ZNF385D: variants seen among roughly 807,000 people sequenced by gnomAD.
The protein encoded by ZNF385D is zinc finger protein 385D.
In ZNF385D, 15 loss-of-function variants were observed where a neutral mutation model predicts 35.8. The ratio of observed to expected loss-of-function variants is 0.42; its 90% CI spans 0.28 to 0.64. ZNF385D has a LOEUF of 0.64. Among genes scored for constraint, ZNF385D ranks in the 30% least tolerant of loss-of-function variants. ZNF385D has a pLI of 0.23. For synonymous variants in ZNF385D, 212 were observed against 186.8 expected, an observed-to-expected ratio of 1.13 and a Z score of -1.10; for missense variants, 474 against 494.6, an observed-to-expected ratio of 0.96 and a Z score of 0.39.
intron 1 of ZNF385D, among the ~76,000 whole-genome samples, chr3:21,734,836 A>G (rs933494323): frequency 6.6e-6 from 1 of 152,106 alleles, no homozygotes; most frequent in African/African-American, 2.4e-5. Context: ...GTTTTGTTTG[A>G]GGTGGAAGCA....
chr3:22,087,765 T>C (rs1412471855), intron 3 of ZNF385D, among the ~76,000 whole-genome samples: 1 of 152,100 alleles, frequency 6.6e-6, no homozygotes, highest in Non-Finnish European at 1.5e-5. Context: ...GAGTTAGAAA[T>C]TAGTGATTTA....
intron 3 of ZNF385D, among the ~76,000 whole-genome samples, chr3:22,003,921 A>G (rs1211832606): frequency 3.3e-5 from 5 of 150,006 alleles, no homozygotes; most frequent in South Asian, 4.4e-4. Context: ...TAGAACCACA[A>G]AAGACCCCAA....
intron 3 of ZNF385D, among the ~76,000 whole-genome samples, chr3:21,766,720 A>G (rs1424834555): frequency 6.6e-6 from 1 of 152,124 alleles, no homozygotes; most frequent in Admixed American, 6.6e-5. Context: ...GAAAGTGAAA[A>G]GAAGGTATTT....
intron 3 of ZNF385D, among the ~76,000 whole-genome samples, chr3:21,558,660 A>C (rs542930286): frequency 1.3e-4 from 20 of 152,314 alleles, no homozygotes; most frequent in Admixed American, 2.6e-4. Flanking sequence ...GTAGATGTCT[A>C]TTGGGCCCGC....
chr3:22,104,537 CA>C (rs755584370), intron 3 of ZNF385D, among the ~76,000 whole-genome samples: 4 of 151,406 alleles, frequency 2.6e-5, no homozygotes, highest in African/African-American at 4.9e-5. Flanking sequence ...TTTTGGCAGA[CA>C]TTTTTTTTTG....
chr3:21,945,681 C>T (rs895178141), intron 3 of ZNF385D, among the ~76,000 whole-genome samples: 3 of 152,066 alleles, frequency 2.0e-5, no homozygotes, highest in African/African-American at 4.8e-5. Flanking sequence ...GCTCAGTGAT[C>T]CTCTGCCCAA....
chr3:21,986,831 G>C (rs1470263248), intron 3 of ZNF385D, among the ~76,000 whole-genome samples: 1 of 77,412 alleles, frequency 1.3e-5, no homozygotes, highest in East Asian at 3.2e-4. Flanking sequence ...CTCAGGACTT[G>C]CTTTATGAAT....
At chr3:21,880,993 G>A (rs1410976551) in intron 3 of ZNF385D, among the ~76,000 whole-genome samples, 3 of 151,942 alleles carry the variant, frequency 2.0e-5, no homozygotes, top group Non-Finnish European at 4.4e-5. Context: ...GAGAGGTGAG[G>A]AAGCTGTGGA....
At chr3:21,859,568 C>T (rs1364681489) in intron 3 of ZNF385D, among the ~76,000 whole-genome samples, 1 of 151,846 alleles carries the variant, frequency 6.6e-6, no homozygotes, top group Non-Finnish European at 1.5e-5. Flanking sequence ...ATGTCTCATG[C>T]CATGTCAAGG....
chr3:21,802,634 G>A (rs4858358), intron 3 of ZNF385D, among the ~76,000 whole-genome samples: 11,145 of 152,228 alleles, frequency 0.073, 552 homozygotes, highest in Non-Finnish European at 0.099. Flanking sequence ...AACTGTATAA[G>A]ATGATGATTT....
chr3:21,723,505 T>C (rs938649687), intron 1 of ZNF385D, among the ~76,000 whole-genome samples: 1 of 152,064 alleles, frequency 6.6e-6, no homozygotes, highest in African/African-American at 2.4e-5. Flanking sequence ...TCGTGAAGCA[T>C]ACACAAATAT....
At chr3:21,672,052 A>C (rs2066592568) in intron 1 of ZNF385D, among the ~76,000 whole-genome samples, 1 of 152,194 alleles carries the variant, frequency 6.6e-6, no homozygotes, top group African/African-American at 2.4e-5. Context: ...TGGGGATAAC[A>C]ATGAGCAATT....
chr3:21,699,270 T>G, intron 1 of ZNF385D, among the ~76,000 whole-genome samples: 1 of 151,846 alleles, frequency 6.6e-6, no homozygotes, highest in East Asian at 1.9e-4. Flanking sequence ...TTCTCACTCA[T>G]AAGTGGGAGT....
At chr3:21,543,927 TTCTGGTTTGATA>T (rs1372871651) in intron 3 of ZNF385D, among the ~76,000 whole-genome samples, 4 of 152,168 alleles carry the variant, frequency 2.6e-5, no homozygotes, top group Non-Finnish European at 4.4e-5. Flanking sequence ...GTAAGTTTCT[TTCTGGTTTGATA>T]TCTGCATGTT....
At chr3:21,694,777 A>G (rs1170577143) in intron 1 of ZNF385D, among the ~76,000 whole-genome samples, 1 of 152,216 alleles carries the variant, frequency 6.6e-6, no homozygotes, top group Non-Finnish European at 1.5e-5. Flanking sequence ...CATGACTCCA[A>G]TTGAGATCCA....
chr3:22,063,166 T>A (rs903523799), intron 3 of ZNF385D, among the ~76,000 whole-genome samples: 1 of 152,204 alleles, frequency 6.6e-6, no homozygotes, highest in African/African-American at 2.4e-5. Flanking sequence ...TTGGTTAATT[T>A]TTTTAACCTT....
chr3:22,354,559 GAATA>G (rs1162539631), intron 2 of ZNF385D, among the ~76,000 whole-genome samples: 2 of 151,864 alleles, frequency 1.3e-5, no homozygotes, highest in Non-Finnish European at 2.9e-5. Flanking sequence ...CAATTAAATT[GAATA>G]AATAATGTAT....
chr3:21,437,348 TCA>T, intron 4 of ZNF385D, 145 bp from the exon 5 acceptor site: 1 of 668,188 alleles, frequency 1.5e-6, no homozygotes. Context: ...ATCAATCACC[TCA>T]CAAAAAAATT....
intron 3 of ZNF385D, among the ~76,000 whole-genome samples, chr3:21,904,498 T>G (rs1225122476): frequency 6.6e-6 from 1 of 152,110 alleles, no homozygotes; most frequent in Non-Finnish European, 1.5e-5. Flanking sequence ...CATACTGAGA[T>G]ACAAAAGAAT....
Sources: gnomAD v4.1 joint callset for allele counts (sites outside exome capture counted in the v4.1 genomes callset) on GRCh38, gnomAD v4.1.1 for gene constraint, MANE v1.5 for transcripts, NCBI Gene and HGNC (gene_info 2026-07-23, HGNC 2026-07-21) for gene names.